AHRR: variants seen among roughly 807,000 people sequenced by gnomAD.
AHRR encodes the protein ahR repressor.
Under a neutral mutation model 44.0 loss-of-function variants are expected in AHRR, and 28 were observed. The observed-to-expected ratio is 0.64, with a 90% CI of 0.47 to 0.87. The LOEUF is 0.87. Ranked by LOEUF, AHRR falls within the 40% of genes least tolerant of loss-of-function variation. The probability of loss-of-function intolerance (pLI) is 0.00; values close to 1 mark genes in which losing one functional copy is unlikely to be tolerated. For missense variants in AHRR, 990 were observed against 953.9 expected, an observed-to-expected ratio of 1.04 and a Z score of -0.50; for synonymous variants, 434 against 407.0, an observed-to-expected ratio of 1.07 and a Z score of -0.80.
chr5:353,889 C>G lies in AHRR; in HGVS notation c.222C>G (p.Leu74=), dbSNP rs1742950441. ...LSVLRLSVSY[L]RVKSFFQVVQ... Reference sequence around the variant, plus strand: ...TCCTGCGCCTCAGTGTCAGTTACCTCCGGGTGAAGAGCTTCTTCCAAGGTA... The same window carrying G: ...TCCTGCGCCTCAGTGTCAGTTACCTGCGGGTGAAGAGCTTCTTCCAAGGTA... Residue 74 remains leucine, a synonymous_variant, in exon 3 of 11, where the codon CTC becomes CTG. Transcript: ENST00000684583. 3 of 1,613,758 alleles carry G rather than the reference C, an allele frequency of 1.9e-6. No homozygotes were observed. In the East Asian group the frequency reaches 6.7e-5, roughly 36 times the overall value.
intron 1 of AHRR, among the ~76,000 whole-genome samples, chr5:323,084 G>A (rs1233266921): frequency 6.6e-6 from 1 of 152,226 alleles, no homozygotes; most frequent in Non-Finnish European, 1.5e-5. Flanking sequence ...CAGCACCCAG[G>A]AGTCTGTCGA....
chr5:423,320 C>T (rs1736219777), intron 6 of AHRR, among the ~76,000 whole-genome samples: 1 of 152,200 alleles, frequency 6.6e-6, no homozygotes, highest in East Asian at 1.9e-4. Flanking sequence ...CTCTCAACCT[C>T]CCTGTGGCGC....
At position 437,776 on chromosome 5, in the gene AHRR, G is replaced by C. The variant is rs188520710; in HGVS notation, c.*2942G>C. The C allele has an allele frequency of 2.6e-5, 4 of 152,518 alleles. No individual in the cohort carries two copies. The highest frequency in any genetic ancestry group is 9.6e-5 in the African/African-American group (4 of 41,594). The allele number at this position is 152,518 out of a possible 1,614,324, so 9.4% of individuals were successfully genotyped here. On this transcript the variant is annotated 3_prime_UTR_variant, in exon 11 of 11. Transcript: ENST00000684583. ...TTGTGGTGTGGGGACCCTACAGGAG[G>C]CTGCGGCCCTGAGAGCCTGGGATCA...
intron 4 of AHRR, among the ~76,000 whole-genome samples, chr5:385,005 G>A (rs369258408): frequency 4.8e-4 from 73 of 152,192 alleles, no homozygotes; most frequent in South Asian, 4.2e-4. Flanking sequence ...TTATCCGGGC[G>A]TGGTGGCACA....
rs1579580415 is a variant in AHRR at position 326,745 on chromosome 5, C to T, written c.-11+4926C>T. ...CCAATTTCTCCATAGCCCCACTGAC[C>T]CTTGTTATGTTCCATTAAAAAAAAT... On this transcript the variant is annotated intron_variant, in intron 1 of 10. Transcript: ENST00000684583. The surrounding 1 kb of genome is among the most constrained non-coding windows in gnomAD (Gnocchi z 4.1). 6.6e-6 allele frequency among the ~76,000 whole-genome samples: 1 copy of T among 152,050 alleles called. No individual in the cohort carries two copies. The highest frequency in any genetic ancestry group is 1.9e-4 in the East Asian group (1 of 5,192).
At chr5:423,555 C>G (rs1327133365) in intron 6 of AHRR, among the ~76,000 whole-genome samples, 3 of 150,846 alleles carry the variant, frequency 2.0e-5, no homozygotes, top group East Asian at 2.0e-4. Context: ...AACAGCAAAG[C>G]CCAGGCACCT....
chr5:420,872 C>CCACGCAGCACGCACAGACCCACG (rs1236703850), intron 5 of AHRR: 4 of 346,240 alleles, frequency 1.2e-5, no homozygotes, highest in African/African-American at 2.2e-5. Flanking sequence ...AGCCACCCAC[C>CCACGCAGCACGCACAGACCCACG]CACGCAGCAC....
In AHRR at chr5:404,329, G is replaced by A; in HGVS notation, c.352-9015G>A. 2.1e-6 allele frequency: 1 copy of A among 482,548 alleles called. No homozygotes were observed. Among genetic ancestry groups the A allele is most frequent in the Middle Eastern group, 3.6e-4 (1 of 2,806 alleles). The allele number at this position is 482,548 out of a possible 1,614,324, so 29.9% of individuals were successfully genotyped here. ...TTTTCTTCCAGTGTTACTAAAAGCT[G>A]TTTCACTCTTTTTTTTTTCTTTTTT... On this transcript the variant is annotated intron_variant, in intron 4 of 10. Transcript: ENST00000684583. The surrounding 1 kb of genome is among the most constrained non-coding windows in gnomAD (Gnocchi z 4.1).
At chr5:401,817 C>G (rs1470677636) in intron 4 of AHRR, among the ~76,000 whole-genome samples, 1 of 152,210 alleles carries the variant, frequency 6.6e-6, no homozygotes, top group African/African-American at 2.4e-5. Context: ...CCACAGCAGC[C>G]ATGTTCCCAA....
At chr5:421,470 G>A in intron 5 of AHRR, 1 of 496,272 alleles carries the variant, frequency 2.0e-6, no homozygotes, top group Non-Finnish European at 3.6e-6. Context: ...TCATCTGGGT[G>A]GGGTCCCGCG....
At position 370,851 on chromosome 5, in the gene AHRR, T is replaced by C. The variant is rs1333675989; in HGVS notation, c.245-5759T>C. Among the ~76,000 whole-genome samples, 3 of 152,136 alleles carry C rather than the reference T, an allele frequency of 2.0e-5. No individual in the cohort carries two copies. The East Asian group carries it at 5.8e-4, about 29-fold the overall frequency. ...GGAAGTGATCCAGAGGAGGCCTGCC[T>C]TGGAGGCACCCAGAGCACAGAGGCT... On this transcript the variant is annotated intron_variant, in intron 3 of 10. Transcript: ENST00000684583. This position sits in a 1 kb window ranked among gnomAD's most constrained non-coding sequence, Gnocchi z 4.5.
At position 359,384 on chromosome 5, in the gene AHRR, C is replaced by A. The variant is rs185657564; in HGVS notation, c.244+5473C>A. 1.1e-3 allele frequency among the ~76,000 whole-genome samples: 124 copies of A among 110,388 alleles called. 2 individuals carry two copies. In the East Asian group the frequency reaches 0.026, roughly 23 times the overall value. 72.4% of individuals were successfully genotyped at this position (110,388 alleles called of 152,430 possible). A position where few individuals can be genotyped will look rare whatever the true frequency, so the allele number is the denominator to read the frequency against. On this transcript the variant is annotated intron_variant, in intron 3 of 10. Coordinates refer to ENST00000684583, the MANE Select transcript of AHRR (RefSeq NM_001377236.1). ...CGGGCAGTCAGCGACTGAGGAAGAG[C>A]GCCCGCGAGTGGAGGCCGTCAGTCA...
At chr5:403,981 G>T in intron 4 of AHRR, 2 of 1,226,196 alleles carry the variant, frequency 1.6e-6, no homozygotes, top group South Asian at 1.2e-5. Flanking sequence ...TACATTTTCT[G>T]CTTTCTTTAC....
At chr5:414,955 G>C (rs1226416721) in intron 5 of AHRR, among the ~76,000 whole-genome samples, 1 of 152,260 alleles carries the variant, frequency 6.6e-6, no homozygotes, top group African/African-American at 2.4e-5. Context: ...AGGGGCAGCA[G>C]TGCCCACAGG....
intron 1 of AHRR, 87 bp from the exon 2 acceptor site, chr5:343,806 G>A: frequency 7.1e-7 from 1 of 1,415,752 alleles, no homozygotes. Flanking sequence ...GGGGGCGCCA[G>A]GACCGCGCTG....
chr5:322,010 C>T (rs1334107989), intron 1 of AHRR, among the ~76,000 whole-genome samples, 191 bp downstream of exon 1: 3 of 152,050 alleles, frequency 2.0e-5, no homozygotes, highest in Non-Finnish European at 4.4e-5. Flanking sequence ...GCTGGTCTCA[C>T]TTAAAACTCG....
At chr5:331,592 C>T (rs1236915785) in intron 1 of AHRR, among the ~76,000 whole-genome samples, 6 of 152,110 alleles carry the variant, frequency 3.9e-5, no homozygotes, top group Admixed American at 2.6e-4. Context: ...TTGATATAGA[C>T]ATTTAATACT....
In AHRR at chr5:395,672, G is replaced by T. The variant is rs1734672608; in HGVS notation, c.352-17672G>T. 2.6e-5 allele frequency among the ~76,000 whole-genome samples: 4 copies of T among 152,236 alleles called. No individual in the cohort carries two copies. The South Asian group carries it at 8.3e-4, about 31-fold the overall frequency. Reference sequence around the variant, plus strand: ...CGCTGCTGCTCTGGTGTGGTTTCTGGAAAATTCCTGAGAAGTCCCCAGGAA... The same window carrying T: ...CGCTGCTGCTCTGGTGTGGTTTCTGTAAAATTCCTGAGAAGTCCCCAGGAA... On this transcript the variant is annotated intron_variant, in intron 4 of 10. Coordinates refer to ENST00000684583, the MANE Select transcript of AHRR (RefSeq NM_001377236.1). The surrounding 1 kb of genome is among the most constrained non-coding windows in gnomAD (Gnocchi z 5.3).
In AHRR at chr5:326,455, A is replaced by G. The variant is rs917208521; in HGVS notation, c.-11+4636A>G. Among the ~76,000 whole-genome samples, 20 of 152,204 alleles carry G rather than the reference A, an allele frequency of 1.3e-4. No individual in the cohort carries two copies. Among genetic ancestry groups the G allele is most frequent in the Non-Finnish European group, 4.4e-5 (3 of 68,036 alleles). Reference sequence around the variant, plus strand: ...TCATGGCTGAATAATATTTCATCTTATGAAGATACCACATTCTGTTTACTG... The same window carrying G: ...TCATGGCTGAATAATATTTCATCTTGTGAAGATACCACATTCTGTTTACTG... On this transcript the variant is annotated intron_variant, in intron 1 of 10. Transcript: ENST00000684583. This position sits in a 1 kb window ranked among gnomAD's most constrained non-coding sequence, Gnocchi z 4.1.
Sources: gnomAD v4.1 joint callset for allele counts (sites outside exome capture counted in the v4.1 genomes callset) on GRCh38, gnomAD v4.1.1 for gene constraint, Gnocchi (gnomAD v3.1) non-coding constraint, MANE v1.5 for transcripts, NCBI Gene and HGNC (gene_info 2026-07-23, HGNC 2026-07-21) for gene names.